Variants in AFAP1L1 observed in about 807,000 individuals in gnomAD.
AFAP1L1 encodes the protein actin filament-associated protein 1-like 1.
AFAP1L1 carries 77 observed loss-of-function variants against 99.8 expected under a neutral mutation model. That is an observed-to-expected ratio of 0.77 (90% CI 0.64 to 0.93). The LOEUF is 0.93. Ranked by LOEUF, AFAP1L1 falls within the 40% of genes least tolerant of loss-of-function variation. AFAP1L1 has a pLI of 0.00. For missense variants in AFAP1L1, 893 were observed against 996.8 expected (o/e 0.90, Z 1.40); for synonymous variants, 373 against 395.3 (o/e 0.94, Z 0.67).
intron 7 of AFAP1L1, among the ~76,000 whole-genome samples, chr5:149,308,046 G>A (rs1756489645): frequency 6.6e-6 from 1 of 151,894 alleles, no homozygotes. Flanking sequence ...CTACTTGGGA[G>A]GCTGAGTCAG....
At chr5:149,274,069 C>T (rs1755229411) in intron 1 of AFAP1L1, among the ~76,000 whole-genome samples, 1 of 152,196 alleles carries the variant, frequency 6.6e-6, no homozygotes, top group African/African-American at 2.4e-5. Context: ...GACCTGCTCT[C>T]TCCCTGCAGG....
intron 17 of AFAP1L1, among the ~76,000 whole-genome samples, chr5:149,334,756 G>A (rs928162015): frequency 1.3e-5 from 2 of 151,632 alleles, no homozygotes; most frequent in Admixed American, 6.6e-5. Context: ...TACTAAAAAC[G>A]CAAAAATTAA....
At chr5:149,309,226 TA>T (rs1341679995) in intron 7 of AFAP1L1, among the ~76,000 whole-genome samples, 3 of 152,240 alleles carry the variant, frequency 2.0e-5, no homozygotes, top group Admixed American at 6.5e-5. Context: ...TTAGTTCACT[TA>T]AATGGATGCT....
At chr5:149,316,564 C>A (rs1756804694) in intron 11 of AFAP1L1, among the ~76,000 whole-genome samples, 1 of 152,192 alleles carries the variant, frequency 6.6e-6, no homozygotes, top group Admixed American at 6.5e-5. Flanking sequence ...TAGCCCAAAT[C>A]ACTGCCCATC....
chr5:149,333,139 ATGGCCT>A (rs1351720672), intron 17 of AFAP1L1, among the ~76,000 whole-genome samples: 1 of 152,220 alleles, frequency 6.6e-6, no homozygotes, highest in Non-Finnish European at 1.5e-5. Context: ...GATCTTAGAA[ATGGCCT>A]TGGAGTTATT....
At chr5:149,314,720 T>G (rs1056673111) in intron 9 of AFAP1L1, among the ~76,000 whole-genome samples, 1 of 152,176 alleles carries the variant, frequency 6.6e-6, no homozygotes, top group African/African-American at 2.4e-5. Flanking sequence ...GCACATGATC[T>G]CCTGTCCTCT....
chr5:149,335,859 C>A, intron 18 of AFAP1L1, 137 bp downstream of exon 18: 1 of 1,194,258 alleles, frequency 8.4e-7, no homozygotes, highest in Non-Finnish European at 1.2e-6. Context: ...AACTCATGAA[C>A]CTTCCTCAGA....
chr5:149,332,666 CT>C, intron 16 of AFAP1L1, 28 bp from the exon 17 acceptor site: 1 of 1,600,128 alleles, frequency 6.2e-7, no homozygotes, highest in South Asian at 1.1e-5. Flanking sequence ...TCAGGTTCAG[CT>C]TTTTCTTATC....
Position 149,312,214 on chromosome 5 carries a change from T to C in AFAP1L1, c.1020+10T>C. 6.2e-7 allele frequency: 1 copy of C among 1,613,596 alleles called. No individual in the cohort carries two copies. On this transcript the variant is annotated intron_variant, in intron 9 of 18. Coordinates refer to ENST00000296721, the MANE Select transcript of AFAP1L1 (RefSeq NM_152406.4). ...GTTGGACCTGGACAAGGTATATCTG[T>C]CTCCACTAAGTCTTCCCCAGGCCAG...
chr5:149,291,956 T>A (rs976628879), intron 1 of AFAP1L1, among the ~76,000 whole-genome samples: 2 of 152,244 alleles, frequency 1.3e-5, no homozygotes, highest in African/African-American at 2.4e-5. Context: ...ACTCTGACTT[T>A]GAAAACAAAG....
chr5:149,329,818 C>T lies in AFAP1L1; in HGVS notation c.1963C>T (p.Arg655Trp), dbSNP rs1757203349. 7 of 1,610,376 alleles carry T rather than the reference C, an allele frequency of 4.3e-6. No homozygotes were observed. The highest frequency in any genetic ancestry group is 3.4e-5 in the Admixed American group (2 of 59,354). Residue 655 changes from arginine to tryptophan, a missense_variant, in exon 16 of 19, where the codon CGG becomes TGG. Arg to Trp is a moderately radical substitution (Grantham distance 101). Coordinates refer to ENST00000296721, the MANE Select transcript of AFAP1L1 (RefSeq NM_152406.4). Reference protein sequence around the residue: ...QEKRELKEAIRSSPGAKLKAL... With the variant: ...QEKRELKEAIWSSPGAKLKAL... The stretch of plus-strand genomic sequence containing the variant: ...GAAGAGGGAACTGAAGGAAGCCATT[C>T]GGAGCAGCCCAGGTACCTATGTGGG...
chr5:149,321,110 C>T (rs1356350909), intron 14 of AFAP1L1, among the ~76,000 whole-genome samples: 5 of 152,226 alleles, frequency 3.3e-5, no homozygotes, highest in African/African-American at 1.2e-4. Context: ...CCGAGGACAA[C>T]AGATGTGTCT....
At chr5:149,329,638 G>A (rs777976141) in intron 15 of AFAP1L1, 28 bp from the exon 16 acceptor site, 6 of 1,597,642 alleles carry the variant, frequency 3.8e-6, no homozygotes, top group Non-Finnish European at 5.1e-6. Flanking sequence ...CAGAACTGAG[G>A]GCCTTTCCCT....
intron 1 of AFAP1L1, among the ~76,000 whole-genome samples, chr5:149,287,248 C>G (rs1201057799): frequency 6.6e-6 from 1 of 152,002 alleles, no homozygotes; most frequent in Non-Finnish European, 1.5e-5. Context: ...AATTTTTAAA[C>G]TAAAAATTTA....
In AFAP1L1 at chr5:149,281,782, G is replaced by A. The variant is rs934673772; in HGVS notation, c.16+9798G>A. 1.8e-4 allele frequency among the ~76,000 whole-genome samples: 27 copies of A among 152,284 alleles called. 1 individual carries two copies. Among genetic ancestry groups the A allele is most frequent in the Admixed American group, 9.1e-4 (14 of 15,306 alleles). ...AGGGTTATCTCCAGGTTAGATATAC[G>A]AGGGACTTGCTAGTTAAGATGGGCT... is the stretch of plus-strand genomic sequence containing the variant. On this transcript the variant is annotated intron_variant, in intron 1 of 18. Coordinates refer to ENST00000296721, the MANE Select transcript of AFAP1L1 (RefSeq NM_152406.4).
intron 12 of AFAP1L1, 25 bp downstream of exon 12, chr5:149,317,965 G>A (rs1156573360): frequency 6.4e-7 from 1 of 1,552,298 alleles, no homozygotes; most frequent in Non-Finnish European, 8.7e-7. Flanking sequence ...TGGGACGTGG[G>A]TGGCTCTTGG....
intron 7 of AFAP1L1, among the ~76,000 whole-genome samples, chr5:149,309,441 G>A (rs535635261): frequency 2.3e-4 from 35 of 152,128 alleles, no homozygotes; most frequent in Middle Eastern, 6.8e-3. Context: ...GGGCTTTTGC[G>A]ATTGGGTTAT....
chr5:149,322,537 C>T (rs543748240), intron 14 of AFAP1L1, 69 bp from the exon 15 acceptor site: 21 of 1,124,628 alleles, frequency 1.9e-5, no homozygotes, highest in Admixed American at 5.1e-5. Flanking sequence ...GAGCAAAGAC[C>T]GCAATACACC....
At position 149,300,337 on chromosome 5, in the gene AFAP1L1, C is replaced by T. The variant is rs1458138648; in HGVS notation, c.212C>T (p.Ser71Phe). Residue 71 changes from serine (S) to phenylalanine (F), a missense_variant, in exon 3 of 19, where the codon TCC becomes TTC. Coordinates refer to ENST00000296721, the MANE Select transcript of AFAP1L1 (RefSeq NM_152406.4). ...CACTCGGGGCCCAGCTTCGTGGAATCCCTCTTTGAAGAATTTGGTAAGTGA... is the reference window on the plus strand; with the variant it reads ...CACTCGGGGCCCAGCTTCGTGGAATTCCTCTTTGAAGAATTTGGTAAGTGA... The part of the protein sequence containing the change: ...DLHSGPSFVE[S>F]LFEEFDCDLS... 2 of 1,613,040 alleles carry T rather than the reference C, an allele frequency of 1.2e-6. No homozygotes were observed. The highest frequency in any genetic ancestry group is 2.7e-5 in the African/African-American group (2 of 74,904).
Sources: allele counts gnomAD v4.1 joint callset (sites outside exome capture counted in the v4.1 genomes callset), GRCh38; gene constraint gnomAD v4.1.1; transcripts MANE v1.5; gene names NCBI Gene and HGNC (gene_info 2026-07-23, HGNC 2026-07-21).